Variants in PGM2L1 observed in about 807,000 individuals in gnomAD.
PGM2L1 encodes the protein phosphoglucomutase 2 like 1.
In PGM2L1, 35 loss-of-function variants were observed where a neutral mutation model predicts 73.4. The ratio of observed to expected loss-of-function variants is 0.48; its 90% CI spans 0.36 to 0.63. PGM2L1 has a LOEUF of 0.63. Among genes scored for constraint, PGM2L1 ranks in the 30% least tolerant of loss-of-function variants. The pLI is 0.00. For synonymous variants in PGM2L1, 225 were observed against 253.8 expected (o/e 0.89, Z 1.08); for missense variants, 570 against 742.0 (o/e 0.77, Z 2.69).
chr11:74,355,460 A>G (rs1435021783), intron 5 of PGM2L1: 4 of 389,792 alleles, frequency 1.0e-5, no homozygotes, highest in African/African-American at 2.2e-5. Context: ...AGGCTGAGGC[A>G]GGAGAATGGC....
At chr11:74,351,678 T>C in intron 5 of PGM2L1, 102 bp from the exon 6 acceptor site, 1 of 1,097,388 alleles carries the variant, frequency 9.1e-7, no homozygotes, top group Non-Finnish European at 1.3e-6. Context: ...CATATCAAAT[T>C]GAGGCCAGGC....
At chr11:74,344,479 CAGAA>C (rs1419736458) in intron 9 of PGM2L1, among the ~76,000 whole-genome samples, 2 of 152,118 alleles carry the variant, frequency 1.3e-5, no homozygotes, top group East Asian at 1.9e-4. Flanking sequence ...TTTAAAGACA[CAGAA>C]AGAGTTTCAG....
intron 1 of PGM2L1, among the ~76,000 whole-genome samples, chr11:74,380,048 A>G (rs1416785003): frequency 2.0e-5 from 3 of 152,242 alleles, no homozygotes; most frequent in Non-Finnish European, 2.9e-5. Context: ...TTTAAATGTT[A>G]CTGACAGAGA....
At chr11:74,338,670 T>C (rs1334784144) in intron 12 of PGM2L1, 69 bp from the exon 13 acceptor site, 8 of 1,492,472 alleles carry the variant, frequency 5.4e-6, no homozygotes, top group African/African-American at 1.4e-5. Flanking sequence ...TTTTCAAGAA[T>C]TGTAAAATAT....
At chr11:74,346,041 G>C (rs1488530107) in intron 8 of PGM2L1, among the ~76,000 whole-genome samples, 1 of 151,816 alleles carries the variant, frequency 6.6e-6, no homozygotes, top group Non-Finnish European at 1.5e-5. Flanking sequence ...AAGGTGGGAG[G>C]ATCACCTGAG....
intron 1 of PGM2L1, 102 bp downstream of exon 1, chr11:74,397,949 C>A (rs1863204463): frequency 1.4e-6 from 2 of 1,393,952 alleles, no homozygotes; most frequent in South Asian, 1.7e-5. Context: ...CTCGGTGTCC[C>A]GAGCCATCTC....
rs1248947392 is a variant in PGM2L1 at position 74,374,276 on chromosome 11, G to A, written c.279+139C>T. 7 of 616,658 alleles carry A rather than the reference G, an allele frequency of 1.1e-5. No homozygotes were observed. The East Asian group carries it at 1.6e-4, about 14-fold the overall frequency. The allele number at this position is 616,658 out of a possible 1,614,324, so 38.2% of individuals were successfully genotyped here. A position where few individuals can be genotyped will look rare whatever the true frequency, so the allele number is the denominator to read the frequency against. ...TTTTTGTATTTTTAGTAGAGACGGG[G>A]TTTCACCATGTTGGCCAGGATGATC... is the stretch of plus-strand genomic sequence containing the variant. On this transcript the variant is annotated intron_variant, in intron 2 of 13. Transcript: ENST00000298198.
rs1248208423 is a variant in PGM2L1 at position 74,331,322 on chromosome 11, G to A, written c.*5330C>T. ...TTGTTGCCCAGGCTGGAGTGCAACG[G>A]CGCGATCTTGGCTCACCACAACCTC... On this transcript the variant is annotated 3_prime_UTR_variant, in exon 14 of 14. Transcript: ENST00000298198. The A allele has an allele frequency of 1.4e-5, 2 of 145,216 alleles. No individual in the cohort carries two copies. The highest frequency in any genetic ancestry group is 5.0e-5 in the African/African-American group (2 of 40,098). 9.0% of individuals were successfully genotyped at this position (145,216 alleles called of 1,614,324 possible).
chr11:74,336,626 C>T lies in PGM2L1; in HGVS notation c.*26G>A, dbSNP rs374676133. 5 of 1,503,710 alleles carry T rather than the reference C, an allele frequency of 3.3e-6. No homozygotes were observed. The African/African-American group carries it at 7.0e-5, about 21-fold the overall frequency. 93.1% of individuals were successfully genotyped at this position (1,503,710 alleles called of 1,614,324 possible). On this transcript the variant is annotated 3_prime_UTR_variant, in exon 14 of 14. Transcript: ENST00000298198. ...GGTTGCTCTGTTCCATATGCCCACA[C>T]AGTGTCATGACATATTGGTGTACCC...
intron 1 of PGM2L1, among the ~76,000 whole-genome samples, chr11:74,389,023 T>C (rs1432491315): frequency 6.6e-6 from 1 of 152,240 alleles, no homozygotes; most frequent in Non-Finnish European, 1.5e-5. Context: ...GGTTTCTCCA[T>C]GAGACAAGCC....
chr11:74,373,875 A>G (rs1862812848), intron 2 of PGM2L1, among the ~76,000 whole-genome samples: 1 of 152,182 alleles, frequency 6.6e-6, no homozygotes, highest in South Asian at 2.1e-4. Context: ...AACCAAAATA[A>G]CGCTTAATCA....
chr11:74,373,694 T>G (rs1249557182), intron 2 of PGM2L1, among the ~76,000 whole-genome samples: 1 of 152,202 alleles, frequency 6.6e-6, no homozygotes, highest in African/African-American at 2.4e-5. Flanking sequence ...GAGGAAAATA[T>G]TTTCAACTAA....
intron 5 of PGM2L1, among the ~76,000 whole-genome samples, chr11:74,367,398 T>C (rs1055121643): frequency 2.0e-5 from 3 of 152,050 alleles, no homozygotes; most frequent in Non-Finnish European, 4.4e-5. Flanking sequence ...TCTCGTTTAG[T>C]CTTTCAAAAG....
chr11:74,383,191 T>C (rs1862972187), intron 1 of PGM2L1, among the ~76,000 whole-genome samples: 1 of 152,188 alleles, frequency 6.6e-6, no homozygotes, highest in Non-Finnish European at 1.5e-5. Flanking sequence ...ATAAAAAGGC[T>C]GATGTAATAA....
intron 12 of PGM2L1, among the ~76,000 whole-genome samples, chr11:74,341,420 G>A (rs540786700): frequency 8.7e-4 from 132 of 152,274 alleles, no homozygotes; most frequent in African/African-American, 2.8e-3. Flanking sequence ...TGCTGGGCGT[G>A]GTGGCTCATG....
chr11:74,396,652 G>A (rs1169919134), intron 1 of PGM2L1, among the ~76,000 whole-genome samples: 1 of 152,100 alleles, frequency 6.6e-6, no homozygotes, highest in Non-Finnish European at 1.5e-5. Context: ...CTGACCTCGT[G>A]ATCCACCCGC....
Position 74,330,443 on chromosome 11 carries a change from G to C in PGM2L1, c.*6209C>G, listed in dbSNP as rs540535809. On this transcript the variant is annotated 3_prime_UTR_variant, in exon 14 of 14. Coordinates refer to ENST00000298198, the MANE Select transcript of PGM2L1 (RefSeq NM_173582.6). ...TATAATACACCCTGGTGTTTTTGTA[G>C]GGAAAAATGAGAAGATGTTGACAGA... 1 of 152,706 alleles carries C rather than the reference G, an allele frequency of 6.5e-6. No homozygotes were observed. Among genetic ancestry groups the C allele is most frequent in the African/African-American group, 2.4e-5 (1 of 41,552 alleles). 9.5% of individuals were successfully genotyped at this position (152,706 alleles called of 1,614,324 possible). A position where few individuals can be genotyped will look rare whatever the true frequency, so the allele number is the denominator to read the frequency against.
At chr11:74,389,947 C>A (rs371278071) in intron 1 of PGM2L1, among the ~76,000 whole-genome samples, 49 of 38,554 alleles carry the variant, frequency 1.3e-3, no homozygotes, top group East Asian at 5.7e-3. Flanking sequence ...ACTAAAAATA[C>A]AAAAAAAAAA....
chr11:74,353,152 T>A (rs1372812657), intron 5 of PGM2L1, among the ~76,000 whole-genome samples: 2 of 143,852 alleles, frequency 1.4e-5, no homozygotes, highest in Admixed American at 7.4e-5. Flanking sequence ...GCAGAATTTT[T>A]AAAACAAACA....
Sources: allele counts gnomAD v4.1 joint callset (sites outside exome capture counted in the v4.1 genomes callset), GRCh38; gene constraint gnomAD v4.1.1; transcripts MANE v1.5; gene names NCBI Gene and HGNC (gene_info 2026-07-23, HGNC 2026-07-21).